Variants in ITPRID2 observed in about 807,000 individuals in gnomAD.
ITPRID2 encodes protein ITPRID2.
Under a neutral mutation model 124.3 loss-of-function variants are expected in ITPRID2, and 60 were observed. That is an observed-to-expected ratio of 0.48 (90% CI 0.39 to 0.60). The LOEUF is 0.60. Ranked by LOEUF, ITPRID2 falls within the 20% of genes least tolerant of loss-of-function variation. The probability of loss-of-function intolerance (pLI) is 0.00; values close to 1 mark genes in which losing one functional copy is unlikely to be tolerated. For missense variants in ITPRID2, 1,553 were observed against 1,512.2 expected (o/e 1.03, Z -0.45); for synonymous variants, 521 against 542.9 (o/e 0.96, Z 0.56).
chr2:181,907,207 A>G lies in ITPRID2; in HGVS notation c.1414-2692A>G, dbSNP rs1693203500. Among the ~76,000 whole-genome samples, 1 of 152,216 alleles carries G rather than the reference A, an allele frequency of 6.6e-6. No homozygotes were observed. The highest frequency in any genetic ancestry group is 2.4e-5 in the African/African-American group (1 of 41,462). On this transcript the variant is annotated intron_variant, in intron 8 of 17. Transcript: ENST00000431877. The surrounding 1 kb of genome is among the most constrained non-coding windows in gnomAD (Gnocchi z 5.1). ...CCCTCTTAGTCAAGGTAAACATGACAGCTGTTAAGAAACCAAAGTGGTTCA... is the reference window on the plus strand; with the variant it reads ...CCCTCTTAGTCAAGGTAAACATGACGGCTGTTAAGAAACCAAAGTGGTTCA...
intron 2 of ITPRID2, among the ~76,000 whole-genome samples, chr2:181,895,124 G>A (rs1692079310): frequency 6.6e-6 from 1 of 151,872 alleles, no homozygotes; most frequent in African/African-American, 2.4e-5. Context: ...CCTTTAATTG[G>A]CATTTCAGTA....
In ITPRID2 at chr2:181,892,219, G is replaced by A. The variant is rs750239229; in HGVS notation, c.153G>A (p.Glu51=). 2.1e-5 allele frequency: 33 copies of A among 1,550,806 alleles called. No individual in the cohort carries two copies. Among genetic ancestry groups the A allele is most frequent in the Admixed American group, 1.2e-4 (6 of 50,954 alleles). Reference sequence around the variant, plus strand: ...CCACAGAAGCGACGACGCAGGACGAGGAGGAGGACGAGGAGGAGGACCTCC... The same window carrying A: ...CCACAGAAGCGACGACGCAGGACGAAGAGGAGGACGAGGAGGAGGACCTCC... ...DLSTEATTQD[E]EEDEEEDLPG... The change falls in exon 1 of 18, where the codon GAG becomes GAA. Residue 51 remains glutamate, a synonymous_variant. Transcript: ENST00000431877. This position sits in a 1 kb window ranked among gnomAD's most constrained non-coding sequence, Gnocchi z 5.2.
intron 9 of ITPRID2, among the ~76,000 whole-genome samples, chr2:181,911,111 T>C (rs1164200096): frequency 1.3e-5 from 2 of 152,184 alleles, no homozygotes; most frequent in East Asian, 3.8e-4. Context: ...TATCTGGGTT[T>C]TTTCCTTTTC....
At chr2:181,921,483 AAAAAAG>A (rs1366984193) in intron 15 of ITPRID2, among the ~76,000 whole-genome samples, 4 of 151,962 alleles carry the variant, frequency 2.6e-5, no homozygotes, top group African/African-American at 9.7e-5. Context: ...ATCTCAAAAA[AAAAAAG>A]AAAATTGATT....
At position 181,899,021 on chromosome 2, in the gene ITPRID2, A is replaced by G. The variant is rs1381098370; in HGVS notation, c.412A>G (p.Ile138Val). The change falls in exon 6 of 18, where the codon ATC becomes GTC. Residue 138 changes from isoleucine to valine, a missense_variant. Coordinates refer to ENST00000431877, the MANE Select transcript of ITPRID2 (RefSeq NM_001130445.3). ...SDAQIENCNN[I>V]LAKERRLQFH... ...ATCTGATTTTGTTCGTAGCAATAATATCTTGGCCAAAGAGAGAAGATTACA... is the reference window on the plus strand; with the variant it reads ...ATCTGATTTTGTTCGTAGCAATAATGTCTTGGCCAAAGAGAGAAGATTACA... The G allele has an allele frequency of 1.9e-6, 3 of 1,610,472 alleles. No individual in the cohort carries two copies. The highest frequency in any genetic ancestry group is 2.7e-5 in the African/African-American group (2 of 74,750).
chr2:181,916,113 C>T lies in ITPRID2; in HGVS notation c.2473C>T (p.His825Tyr). 6.2e-7 allele frequency: 1 copy of T among 1,614,204 alleles called. No homozygotes were observed. Among genetic ancestry groups the T allele is most frequent in the Non-Finnish European group, 8.5e-7 (1 of 1,180,044 alleles). Residue 825 changes from histidine to tyrosine, a missense_variant, in exon 11 of 18, where the codon CAT (histidine) becomes TAT (tyrosine). Physicochemically the swap from His to Tyr is moderately conservative, Grantham distance 83 (BLOSUM62 2). Transcript: ENST00000431877. ...SEAPRVEECH[H>Y]GRTPTCSRLA... The stretch of plus-strand genomic sequence containing the variant: ...GGCGCCGCGGGTGGAGGAATGCCAT[C>T]ATGGAAGGACTCCTACCTGTTCACG...
intron 16 of ITPRID2, among the ~76,000 whole-genome samples, chr2:181,923,181 A>C (rs539788521): frequency 2.6e-5 from 4 of 152,212 alleles, no homozygotes; most frequent in Non-Finnish European, 5.9e-5. Flanking sequence ...AATTAGTAAA[A>C]TAAATGTTTT....
intron 9 of ITPRID2, among the ~76,000 whole-genome samples, chr2:181,913,224 C>T (rs953113837): frequency 6.6e-6 from 1 of 152,056 alleles, no homozygotes; most frequent in African/African-American, 2.4e-5. Flanking sequence ...CCCGCTACCA[C>T]GCCTGGCTAA....
rs867954814 is a variant in ITPRID2 at position 181,896,360 on chromosome 2, A to G, written c.307+281A>G. ...TATGAATATATAATATGCAAATATA[A>G]GGAAAATACTTATTGAGTGAACAAA... is the stretch of plus-strand genomic sequence containing the variant. On this transcript the variant is annotated intron_variant, in intron 3 of 17. Transcript: ENST00000431877. This position sits in a 1 kb window ranked among gnomAD's most constrained non-coding sequence, Gnocchi z 4.3. Among the ~76,000 whole-genome samples the G allele has an allele frequency of 6.6e-6, 1 of 152,140 alleles. No individual in the cohort carries two copies.
chr2:181,919,268 A>C lies in ITPRID2; in HGVS notation c.2994-28A>C. On this transcript the variant is annotated intron_variant, in intron 13 of 17. Coordinates refer to ENST00000431877, the MANE Select transcript of ITPRID2 (RefSeq NM_001130445.3). The surrounding 1 kb of genome is among the most constrained non-coding windows in gnomAD (Gnocchi z 4.2). ...AGGAATCTCCAAACTGCATTTTTCC[A>C]ATTTTGTGCCCTTCACCATACCAAT... 6.2e-7 allele frequency: 1 copy of C among 1,611,354 alleles called. No homozygotes were observed. Among genetic ancestry groups the C allele is most frequent in the Non-Finnish European group, 8.5e-7 (1 of 1,179,514 alleles).
chr2:181,912,108 A>T (rs143690677), intron 9 of ITPRID2, among the ~76,000 whole-genome samples: 75 of 152,352 alleles, frequency 4.9e-4, no homozygotes, highest in African/African-American at 1.6e-3. Context: ...CCAGATAGAC[A>T]GTTTCACTTC....
intron 16 of ITPRID2, among the ~76,000 whole-genome samples, chr2:181,927,380 T>C (rs921976590): frequency 3.9e-5 from 6 of 152,300 alleles, no homozygotes; most frequent in African/African-American, 1.2e-4. Context: ...GCTGTATCAT[T>C]AGAGAGAAAA....
At chr2:181,901,412 A>C (rs545783206) in intron 7 of ITPRID2, among the ~76,000 whole-genome samples, 2 of 152,308 alleles carry the variant, frequency 1.3e-5, no homozygotes, top group African/African-American at 4.8e-5. Flanking sequence ...GCTTACATGC[A>C]TTTTCTTAGG....
rs762756615 is a variant in ITPRID2, at chr2:181,918,767, G to A, written c.2878G>A (p.Glu960Lys). The change falls in exon 13 of 18, where the codon GAG becomes AAG. Residue 960 changes from glutamate to lysine, a missense_variant. Transcript: ENST00000431877. ...TATTGCATTCTAGAATACTTTTCAG[G>A]AGCTCCAGGTAATGAGGCGGAGCCT... is the stretch of plus-strand genomic sequence containing the variant. ...VLPLYENTFQELQVMRRSLNL... is the reference protein window; with the variant it reads ...VLPLYENTFQKLQVMRRSLNL... 22 of 1,613,838 alleles carry A rather than the reference G, an allele frequency of 1.4e-5. No homozygotes were observed. Among genetic ancestry groups the A allele is most frequent in the Middle Eastern group, 3.3e-4 (2 of 6,080 alleles).
At chr2:181,918,424 A>G (rs889833716) in intron 11 of ITPRID2, 174 bp from the exon 12 acceptor site, 210 of 1,438,072 alleles carry the variant, frequency 1.5e-4, no homozygotes, top group Non-Finnish European at 1.6e-4. Flanking sequence ...TAGCAGTACT[A>G]GGTGTCATTG....
Position 181,918,625 on chromosome 2 carries a change from GC to G in ITPRID2, c.2816del (p.Ala939ValfsTer25). On this transcript the variant is annotated frameshift_variant, in exon 12 of 18. Transcript: ENST00000431877. LOFTEE classifies it high-confidence loss of function. ...QYPMMRGPDP[A>X]AAPYSTQKSS... ...CCCTATGATGAGAGGACCTGATCCT[GC>G]TGCTGCTCCATATAGTACTCAGAAA... is the stretch of plus-strand genomic sequence containing the variant. 1 of 1,614,004 alleles carries G rather than the reference GC, an allele frequency of 6.2e-7. No homozygotes were observed. The highest frequency in any genetic ancestry group is 8.5e-7 in the Non-Finnish European group (1 of 1,179,940).
rs1478732594 is a variant in ITPRID2 at position 181,916,381 on chromosome 2, G to A, written c.2741G>A (p.Arg914Gln). Residue 914 changes from arginine to glutamine, a missense_variant, in exon 11 of 18, where the codon CGA (arginine) becomes CAA (glutamine). Arg to Gln is a conservative substitution (Grantham distance 43, BLOSUM62 1). Transcript: ENST00000431877. ...NPPSAIEMQLRRVLHDIRNSL... is the reference protein window; with the variant it reads ...NPPSAIEMQLQRVLHDIRNSL... ...CCTTCAGCCATAGAAATGCAGTTGCGAAGAGTATTACATGATATTAGAAAC... is the reference window on the plus strand; with the variant it reads ...CCTTCAGCCATAGAAATGCAGTTGCAAAGAGTATTACATGATATTAGAAAC... 6.2e-6 allele frequency: 10 copies of A among 1,614,048 alleles called. No individual in the cohort carries two copies. The highest frequency in any genetic ancestry group is 2.7e-5 in the African/African-American group (2 of 74,906).
rs142832245 is a variant in ITPRID2, at chr2:181,921,829, A to G, written c.3211-119A>G. On this transcript the variant is annotated intron_variant, in intron 15 of 17. Coordinates refer to ENST00000431877, the MANE Select transcript of ITPRID2 (RefSeq NM_001130445.3). ...TGAGTAGTTATTAAATTAATGGAATAGATTTATGTCTTTACAAATTACATG... is the reference window on the plus strand; with the variant it reads ...TGAGTAGTTATTAAATTAATGGAATGGATTTATGTCTTTACAAATTACATG... 91 of 868,420 alleles carry G rather than the reference A, an allele frequency of 1.0e-4. No homozygotes were observed. In the African/African-American group the frequency reaches 1.4e-3, roughly 13 times the overall value. The allele number at this position is 868,420 out of a possible 1,614,324, so 53.8% of individuals were successfully genotyped here. A position where few individuals can be genotyped will look rare whatever the true frequency, so the allele number is the denominator to read the frequency against.
At position 181,892,932 on chromosome 2, in the gene ITPRID2, A is replaced by G. The variant is rs1163258385; in HGVS notation, c.257+272A>G. ...AGAGATCAGAAATCCAGAACAGATAATCATGCCATATTTGTTCTGTTTTTA... is the reference window on the plus strand; with the variant it reads ...AGAGATCAGAAATCCAGAACAGATAGTCATGCCATATTTGTTCTGTTTTTA... On this transcript the variant is annotated intron_variant, in intron 2 of 17. Coordinates refer to ENST00000431877, the MANE Select transcript of ITPRID2 (RefSeq NM_001130445.3). The surrounding 1 kb of genome is among the most constrained non-coding windows in gnomAD (Gnocchi z 5.2). The G allele has an allele frequency of 3.7e-6, 2 of 543,484 alleles. No individual in the cohort carries two copies. The highest frequency in any genetic ancestry group is 3.8e-5 in the African/African-American group (2 of 53,136). 33.7% of individuals were successfully genotyped at this position (543,484 alleles called of 1,614,324 possible).
Sources: gnomAD v4.1 joint callset for allele counts (sites outside exome capture counted in the v4.1 genomes callset) on GRCh38, gnomAD v4.1.1 for gene constraint, Gnocchi (gnomAD v3.1) non-coding constraint, MANE v1.5 for transcripts, NCBI Gene and HGNC (gene_info 2026-07-23, HGNC 2026-07-21) for gene names.